Variants in KIT observed in about 807,000 individuals in gnomAD.
KIT encodes the protein mast/stem cell growth factor receptor Kit.
KIT carries 16 observed loss-of-function variants against 105.7 expected under a neutral mutation model. That is an observed-to-expected ratio of 0.15 (90% CI 0.10 to 0.23). The LOEUF is 0.23. KIT is among the 10% of genes least tolerant of loss of function. KIT has a pLI of 1.00. For synonymous variants in KIT, 438 were observed against 441.1 expected, an observed-to-expected ratio of 0.99 and a Z score of 0.09; for missense variants, 858 against 1,213.8, an observed-to-expected ratio of 0.71 and a Z score of 4.36.
At chr4:54,727,778 C>A in intron 11 of KIT, 45 bp from the exon 12 acceptor site, 2 of 1,481,816 alleles carry the variant, frequency 1.3e-6, no homozygotes, top group Non-Finnish European at 9.4e-7. Flanking sequence ...TTCAATTCCA[C>A]CACCAGCACC....
chr4:54,685,952 T>G (rs1295681837), intron 1 of KIT, among the ~76,000 whole-genome samples: 2 of 152,248 alleles, frequency 1.3e-5, no homozygotes, highest in African/African-American at 2.4e-5. Flanking sequence ...CTGTACTTGC[T>G]TCATTGTATG....
At chr4:54,709,121 G>T (rs1478719271) in intron 6 of KIT, among the ~76,000 whole-genome samples, 1 of 151,702 alleles carries the variant, frequency 6.6e-6, no homozygotes, top group Admixed American at 6.6e-5. Context: ...ACAGCCCAGG[G>T]TGGTGGGGGG....
chr4:54,730,475 A>T (rs1722517356), intron 14 of KIT, among the ~76,000 whole-genome samples: 1 of 151,396 alleles, frequency 6.6e-6, no homozygotes. Flanking sequence ...GAAACTTTTT[A>T]TTTTTTTTTA....
intron 4 of KIT, among the ~76,000 whole-genome samples, chr4:54,700,801 C>T (rs1720408845): frequency 1.3e-5 from 2 of 152,160 alleles, no homozygotes; most frequent in Admixed American, 1.3e-4. Context: ...TTCATGTAGA[C>T]CTGTGATGGA....
chr4:54,711,044 T>A (rs920529270), intron 7 of KIT, among the ~76,000 whole-genome samples: 1 of 152,142 alleles, frequency 6.6e-6, no homozygotes, highest in African/African-American at 2.4e-5. Flanking sequence ...CACGCACAGC[T>A]AATTTTTAAA....
intron 1 of KIT, among the ~76,000 whole-genome samples, chr4:54,672,173 C>G (rs544445819): frequency 4.6e-5 from 7 of 152,246 alleles, no homozygotes; most frequent in Admixed American, 4.6e-4. Context: ...GGTGTTAGCC[C>G]CGTTTTGGTT....
chr4:54,717,202 T>C (rs1461472512), intron 7 of KIT, among the ~76,000 whole-genome samples: 1 of 152,190 alleles, frequency 6.6e-6, no homozygotes, highest in Non-Finnish European at 1.5e-5. Flanking sequence ...AAAAAAGATA[T>C]AATGGCAACC....
chr4:54,730,289 AG>A (rs920792073), intron 14 of KIT, among the ~76,000 whole-genome samples: 1 of 152,096 alleles, frequency 6.6e-6, no homozygotes, highest in African/African-American at 2.4e-5. Flanking sequence ...GTTGTGTGGT[AG>A]ATTTCTCCTA....
chr4:54,734,246 C>T (rs576179641), intron 17 of KIT, among the ~76,000 whole-genome samples: 20 of 152,276 alleles, frequency 1.3e-4, no homozygotes, highest in Admixed American at 8.5e-4. Context: ...AGAAGGTGGC[C>T]GCCTCCAGGC....
At chr4:54,695,091 A>T (rs1440812880) in intron 1 of KIT, among the ~76,000 whole-genome samples, 1 of 152,344 alleles carries the variant, frequency 6.6e-6, no homozygotes, top group South Asian at 2.1e-4. Context: ...GGTCATGTAT[A>T]TTCTGCCAAA....
intron 1 of KIT, among the ~76,000 whole-genome samples, chr4:54,671,299 G>A (rs555128052): frequency 9.9e-5 from 15 of 152,254 alleles, no homozygotes; most frequent in African/African-American, 3.6e-4. Context: ...GCTGCAGATG[G>A]TATTGTTCTG....
chr4:54,674,669 A>T (rs1718340066), intron 1 of KIT, among the ~76,000 whole-genome samples: 1 of 152,256 alleles, frequency 6.6e-6, no homozygotes, highest in Non-Finnish European at 1.5e-5. Context: ...TGCTTCCAAA[A>T]TAAGTTATTA....
intron 1 of KIT, among the ~76,000 whole-genome samples, chr4:54,690,121 G>A (rs1204333181): frequency 6.6e-6 from 1 of 151,094 alleles, no homozygotes; most frequent in African/African-American, 2.5e-5. Context: ...CAAGTTATTG[G>A]ACCACATTGG....
At chr4:54,696,457 C>T (rs1290327665) in intron 2 of KIT, among the ~76,000 whole-genome samples, 1 of 152,164 alleles carries the variant, frequency 6.6e-6, no homozygotes, top group Non-Finnish European at 1.5e-5. Flanking sequence ...GATCCACTGG[C>T]AGCTTAAGGG....
In KIT at chr4:54,669,184, C is replaced by G. The variant is rs1173470414; in HGVS notation, c.67+11103C>G. Among the ~76,000 whole-genome samples, 3 of 150,934 alleles carry G rather than the reference C, an allele frequency of 2.0e-5. No individual in the cohort carries two copies. In the East Asian group the frequency reaches 5.8e-4, roughly 29 times the overall value. ...ATAGTATATACGTTTTTAGCCGCAC[C>G]AAAAAGCATCACTTTGATAAAAGAG... On this transcript the variant is annotated intron_variant, in intron 1 of 20. Coordinates refer to ENST00000288135, the MANE Select transcript of KIT (RefSeq NM_000222.3).
chr4:54,731,931 A>G lies in KIT; in HGVS notation c.2294A>G (p.Asp765Gly), dbSNP rs1060502545. 2 of 1,613,560 alleles carry G rather than the reference A, an allele frequency of 1.2e-6. No homozygotes were observed. Among genetic ancestry groups the G allele is most frequent in the Admixed American group, 1.7e-5 (1 of 59,970 alleles). Reference sequence around the variant, plus strand: ...ATGGAGGATGACGAGTTGGCCCTAGACTTAGAAGACTTGCTGAGCTTTTCT... The same window carrying G: ...ATGGAGGATGACGAGTTGGCCCTAGGCTTAGAAGACTTGCTGAGCTTTTCT... ...AIMEDDELAL[D>G]LEDLLSFSYQ... The change falls in exon 16 of 21, where the codon GAC becomes GGC. Residue 765 changes from aspartate to glycine, a missense_variant. Asp to Gly is a moderately conservative substitution (Grantham distance 94). Around this residue, in one of 7 missense-constraint regions of KIT, gnomAD observed 158 missense variants for 218.7 expected, o/e 0.72. Coordinates refer to ENST00000288135, the MANE Select transcript of KIT (RefSeq NM_000222.3).
At chr4:54,714,046 A>G (rs1318650706) in intron 7 of KIT, among the ~76,000 whole-genome samples, 1 of 152,230 alleles carries the variant, frequency 6.6e-6, no homozygotes, top group African/African-American at 2.4e-5. Context: ...ATTAGTGATT[A>G]TATCTGCATT....
At chr4:54,673,334 C>A (rs938020162) in intron 1 of KIT, among the ~76,000 whole-genome samples, 1 of 152,148 alleles carries the variant, frequency 6.6e-6, no homozygotes, top group Non-Finnish European at 1.5e-5. Flanking sequence ...TCCTTTTAAC[C>A]GCGTCATAAT....
intron 20 of KIT, among the ~76,000 whole-genome samples, chr4:54,737,584 C>T (rs767946658): frequency 4.6e-5 from 7 of 152,142 alleles, no homozygotes; most frequent in Non-Finnish European, 4.4e-5. Flanking sequence ...ATGCTGGTCA[C>T]GGGGTCAGTA....
Sources: allele counts gnomAD v4.1 joint callset (sites outside exome capture counted in the v4.1 genomes callset), GRCh38; gene constraint gnomAD v4.1.1; regional missense constraint gnomAD v4.1.1; transcripts MANE v1.5; gene names NCBI Gene and HGNC (gene_info 2026-07-23, HGNC 2026-07-21).